Variants in GALNTL5 observed in about 807,000 individuals in gnomAD.
The protein encoded by GALNTL5 is polypeptide N-acetylgalactosaminyltransferase like 5.
GALNTL5 carries 44 observed loss-of-function variants against 51.0 expected under a neutral mutation model. That is an observed-to-expected ratio of 0.86 (90% CI 0.68 to 1.11). The LOEUF (loss-of-function observed/expected upper bound fraction) is 1.11, where lower values mean the gene tolerates loss of function less well. GALNTL5 is among the 50% of genes least tolerant of loss of function. GALNTL5 has a pLI of 0.00. For missense variants in GALNTL5, 528 were observed against 531.8 expected, an observed-to-expected ratio of 0.99 and a Z score of 0.07; for synonymous variants, 192 against 182.8, an observed-to-expected ratio of 1.05 and a Z score of -0.41.
chr7:151,959,855 G>A (rs2080970714), intron 1 of GALNTL5, among the ~76,000 whole-genome samples: 1 of 152,164 alleles, frequency 6.6e-6, no homozygotes, highest in Non-Finnish European at 1.5e-5. Context: ...CCTTGTTGGG[G>A]AGCAGTGGGC....
At chr7:151,982,724 CTG>C in intron 3 of GALNTL5, 1 of 542,570 alleles carries the variant, frequency 1.8e-6, no homozygotes, top group Non-Finnish European at 3.2e-6. Flanking sequence ...TAAAATAGAA[CTG>C]AGATTATCAA....
chr7:151,982,349 G>C (rs10275883), intron 3 of GALNTL5, among the ~76,000 whole-genome samples: 3,117 of 152,248 alleles, frequency 0.02, 95 homozygotes, highest in African/African-American at 0.07. Context: ...AGGAGGCAGA[G>C]GTTGCAGTGA....
chr7:151,997,021 C>A (rs6948803), intron 5 of GALNTL5, among the ~76,000 whole-genome samples: 1 of 151,980 alleles, frequency 6.6e-6, no homozygotes, highest in Non-Finnish European at 1.5e-5. Flanking sequence ...AACAAGTTAA[C>A]AAACGTTGCA....
At chr7:152,005,064 C>T (rs764066224) in intron 6 of GALNTL5, among the ~76,000 whole-genome samples, 9 of 152,204 alleles carry the variant, frequency 5.9e-5, no homozygotes, top group Non-Finnish European at 1.3e-4. Context: ...AATTTACATT[C>T]CTACCAACAC....
chr7:151,980,827 G>T (rs2081272368), intron 3 of GALNTL5, among the ~76,000 whole-genome samples: 1 of 123,188 alleles, frequency 8.1e-6, no homozygotes, highest in Non-Finnish European at 1.6e-5. Flanking sequence ...CTCACTGCAA[G>T]CTCCGCCTCC....
intron 3 of GALNTL5, among the ~76,000 whole-genome samples, chr7:151,972,312 T>C (rs1428199625): frequency 6.6e-6 from 1 of 152,220 alleles, no homozygotes; most frequent in Non-Finnish European, 1.5e-5. Context: ...ATTTTGCCCC[T>C]ACCCTAGAGA....
At chr7:152,004,284 C>G (rs2081615835) in intron 6 of GALNTL5, among the ~76,000 whole-genome samples, 1 of 150,714 alleles carries the variant, frequency 6.6e-6, no homozygotes, top group Non-Finnish European at 1.5e-5. Context: ...AATGTTCTGT[C>G]AGTATACCTT....
chr7:152,006,507 C>T (rs2151958503), intron 6 of GALNTL5, among the ~76,000 whole-genome samples: 1 of 152,296 alleles, frequency 6.6e-6, no homozygotes, highest in East Asian at 1.9e-4. Flanking sequence ...GTGCAGTAGG[C>T]ACCCCACACC....
In GALNTL5 at chr7:151,967,197, T is replaced by C. The variant is rs561885230; in HGVS notation, c.-39-11T>C. 1.3e-5 allele frequency: 20 copies of C among 1,529,642 alleles called. No homozygotes were observed. In the South Asian group the frequency reaches 2.3e-4, roughly 18 times the overall value. The allele number at this position is 1,529,642 out of a possible 1,614,324, so 94.8% of individuals were successfully genotyped here. ...ATCTAATGCTGCTCCTCTTAAATCA[T>C]TCTGATTTAGGAAATTGAAAAATGG... On this transcript the variant is annotated splice_polypyrimidine_tract_variant and intron_variant, in intron 1 of 8. Transcript: ENST00000392800.
intron 1 of GALNTL5, among the ~76,000 whole-genome samples, chr7:151,964,585 G>A (rs1338201892): frequency 6.6e-6 from 1 of 152,124 alleles, no homozygotes; most frequent in African/African-American, 2.4e-5. Flanking sequence ...TGATTGTGAG[G>A]CCTCCCCAGC....
chr7:151,991,600 C>G (rs527919339), intron 5 of GALNTL5, among the ~76,000 whole-genome samples: 1 of 152,264 alleles, frequency 6.6e-6, no homozygotes, highest in East Asian at 1.9e-4. Flanking sequence ...ATCATTTTAT[C>G]AAATGTCTAT....
At chr7:151,958,531 T>C (rs1008421943) in intron 1 of GALNTL5, among the ~76,000 whole-genome samples, 1 of 151,238 alleles carries the variant, frequency 6.6e-6, no homozygotes. Context: ...GGGAGGGGGG[T>C]GTGTTATGGC....
At chr7:151,981,685 T>C (rs574148611) in intron 3 of GALNTL5, among the ~76,000 whole-genome samples, 1,482 of 146,218 alleles carry the variant, frequency 0.01, 48 homozygotes, top group African/African-American at 0.035. Context: ...TTCTTTCTTT[T>C]TTTTTTTTTT....
In GALNTL5 at chr7:151,973,997, C is replaced by T. The variant is rs114053481; in HGVS notation, c.368+2932C>T. ...CCGTGCTCGCTCTCTGTCCTGCTGC[C>T]GTGTAAAATGTACCTTGCTTCCCCT... On this transcript the variant is annotated intron_variant, in intron 3 of 8. Coordinates refer to ENST00000392800, the MANE Select transcript of GALNTL5 (RefSeq NM_145292.4). Among the ~76,000 whole-genome samples the T allele has an allele frequency of 7.2e-3, 1,099 of 152,188 alleles. 10 individuals carry two copies. The highest frequency in any genetic ancestry group is 0.022 in the African/African-American group (928 of 41,510).
chr7:151,977,681 G>A (rs2081224893), intron 3 of GALNTL5, among the ~76,000 whole-genome samples: 1 of 152,092 alleles, frequency 6.6e-6, no homozygotes, highest in South Asian at 2.1e-4. Context: ...TGTTGAAATA[G>A]CACTTGCTTG....
At chr7:152,018,565 G>T (rs933035189) in intron 8 of GALNTL5, among the ~76,000 whole-genome samples, 1 of 152,080 alleles carries the variant, frequency 6.6e-6, no homozygotes, top group Non-Finnish European at 1.5e-5. Context: ...TAACTTAAAG[G>T]GATATGACGT....
At chr7:151,963,662 T>C (rs574520033) in intron 1 of GALNTL5, among the ~76,000 whole-genome samples, 310 of 152,308 alleles carry the variant, frequency 2.0e-3, no homozygotes, top group South Asian at 6.8e-3. Context: ...CCTCTGGAAG[T>C]GCTGGGATTA....
chr7:151,998,765 C>G (rs1054936765), intron 5 of GALNTL5, among the ~76,000 whole-genome samples: 1 of 113,254 alleles, frequency 8.8e-6, no homozygotes, highest in Non-Finnish European at 1.7e-5. Flanking sequence ...GAGCGAGACT[C>G]TATCTAAAAA....
chr7:151,982,232 G>A (rs1376645218), intron 3 of GALNTL5, among the ~76,000 whole-genome samples: 1 of 151,998 alleles, frequency 6.6e-6, no homozygotes, highest in African/African-American at 2.4e-5. Flanking sequence ...GGCCAACATG[G>A]TGAAACACTG....
Sources: allele counts gnomAD v4.1 joint callset (sites outside exome capture counted in the v4.1 genomes callset), GRCh38; gene constraint gnomAD v4.1.1; transcripts MANE v1.5; gene names NCBI Gene and HGNC (gene_info 2026-07-23, HGNC 2026-07-21).